The following DDX31 variants were observed in gnomAD, a reference collection of about 807,000 sequenced individuals.
DDX31 encodes ATP-dependent DNA helicase DDX31.
DDX31 carries 70 observed loss-of-function variants against 91.3 expected under a neutral mutation model. The ratio of observed to expected loss-of-function variants is 0.77; its 90% confidence interval spans 0.63 to 0.94. The LOEUF (loss-of-function observed/expected upper bound fraction) is 0.94. Ranked by LOEUF, DDX31 falls within the 40% of genes least tolerant of loss-of-function variation. DDX31 has a pLI of 0.00. For missense variants in DDX31, 902 were observed against 925.0 expected (o/e 0.98, Z 0.32); for synonymous variants, 362 against 350.6 (o/e 1.03, Z -0.36).
chr9:132,623,885 G>A (rs1170573998), intron 17 of DDX31, among the ~76,000 whole-genome samples: 5 of 152,118 alleles, frequency 3.3e-5, no homozygotes, highest in African/African-American at 7.2e-5. Flanking sequence ...GAAACCAAAA[G>A]GCCGGCTACG....
intron 15 of DDX31, among the ~76,000 whole-genome samples, chr9:132,631,786 C>T (rs533284412): frequency 6.6e-6 from 1 of 152,164 alleles, no homozygotes; most frequent in African/African-American, 2.4e-5. Flanking sequence ...GTTTGTGACA[C>T]GAATTAGTCT....
chr9:132,617,833 C>T (rs1831743316), intron 18 of DDX31, among the ~76,000 whole-genome samples: 1 of 152,236 alleles, frequency 6.6e-6, no homozygotes, highest in African/African-American at 2.4e-5. Flanking sequence ...CAACACCTCT[C>T]TCTTTCATAA....
rs371928097 is a variant in DDX31, at chr9:132,599,093, GGTT to G, written c.1995-3984_1995-3982del. Among the ~76,000 whole-genome samples the G allele has an allele frequency of 5.1e-4, 78 of 152,244 alleles. 1 individual carries two copies. The South Asian group carries it at 0.016, about 31-fold the overall frequency. On this transcript the variant is annotated intron_variant, in intron 19 of 19. Transcript: ENST00000372159. ...CATTGAAGCGAATACCAATTACATG[GGTT>G]GTTAATGGATTTAAATGTAAAACAG...
At chr9:132,596,543 T>C (rs1296411875) in intron 19 of DDX31, among the ~76,000 whole-genome samples, 3 of 152,176 alleles carry the variant, frequency 2.0e-5, no homozygotes, top group Non-Finnish European at 4.4e-5. Flanking sequence ...CTGGGGTCTG[T>C]GGGAAATGAT....
intron 13 of DDX31, among the ~76,000 whole-genome samples, chr9:132,644,163 T>TA (rs1488345314): frequency 6.6e-6 from 1 of 152,176 alleles, no homozygotes; most frequent in Non-Finnish European, 1.5e-5. Flanking sequence ...AGGGATACTA[T>TA]AACCTCCTGT....
chr9:132,669,783 A>C, intron 1 of DDX31, 77 bp downstream of exon 1: 1 of 1,519,838 alleles, frequency 6.6e-7, no homozygotes, highest in African/African-American at 1.4e-5. Flanking sequence ...CCCGACTCCA[A>C]GGCACGGCTG....
At position 132,594,706 on chromosome 9, in the gene DDX31, C is replaced by T. The variant is rs570289130; in HGVS notation, c.*160G>A. The T allele has an allele frequency of 4.1e-6, 5 of 1,215,468 alleles. 1 individual carries two copies. In the East Asian group the frequency reaches 1.2e-4, roughly 29 times the overall value. 75.3% of individuals were successfully genotyped at this position (1,215,468 alleles called of 1,614,324 possible). Reference sequence around the variant, plus strand: ...CACTGATTTCTATCAGGCTCCAGGGCCTCCCATGGAGGAGAAGGGCTGTGG... The same window carrying T: ...CACTGATTTCTATCAGGCTCCAGGGTCTCCCATGGAGGAGAAGGGCTGTGG... On this transcript the variant is annotated 3_prime_UTR_variant, in exon 20 of 20. Coordinates refer to ENST00000372159, the MANE Select transcript of DDX31 (RefSeq NM_022779.9).
In DDX31 at chr9:132,662,706, C is replaced by G. The variant is rs767090440; in HGVS notation, c.76-11G>C. ...CGTAGCCTTTGCTTGCTGCGTTGTT[C>G]CCAGAAGGAAAGATCAACAAGAGAT... On this transcript the variant is annotated splice_polypyrimidine_tract_variant and intron_variant, in intron 1 of 19. Transcript: ENST00000372159. 1.5e-5 allele frequency: 24 copies of G among 1,613,638 alleles called. No homozygotes were observed. Among genetic ancestry groups the G allele is most frequent in the Middle Eastern group, 3.3e-4 (2 of 6,080 alleles).
At chr9:132,609,078 G>T (rs556812598) in intron 19 of DDX31, among the ~76,000 whole-genome samples, 1 of 152,276 alleles carries the variant, frequency 6.6e-6, no homozygotes, top group South Asian at 2.1e-4. Context: ...TCTAAGGAGT[G>T]TGAAGAGAAA....
In DDX31 at chr9:132,594,556, C is replaced by T. The variant is rs976442828; in HGVS notation, c.*310G>A. Reference sequence around the variant, plus strand: ...CGCAGGGCGTTCTTACATCACATCCCGGGGTGCCAGCTCAACCCCGGCACG... The same window carrying T: ...CGCAGGGCGTTCTTACATCACATCCTGGGGTGCCAGCTCAACCCCGGCACG... On this transcript the variant is annotated 3_prime_UTR_variant, in exon 20 of 20. Coordinates refer to ENST00000372159, the MANE Select transcript of DDX31 (RefSeq NM_022779.9). The T allele has an allele frequency of 2.5e-5, 7 of 277,012 alleles. No homozygotes were observed. The highest frequency in any genetic ancestry group is 4.8e-5 in the Non-Finnish European group (7 of 146,576). 17.2% of individuals were successfully genotyped at this position (277,012 alleles called of 1,614,324 possible). A position where few individuals can be genotyped will look rare whatever the true frequency, so the allele number is the denominator to read the frequency against.
At chr9:132,664,743 A>G (rs1258498611) in intron 1 of DDX31, among the ~76,000 whole-genome samples, 3 of 148,872 alleles carry the variant, frequency 2.0e-5, no homozygotes, top group Admixed American at 1.3e-4. Flanking sequence ...AAAAACTGTA[A>G]TATGATCAAC....
intron 11 of DDX31, 123 bp from the exon 12 acceptor site, chr9:132,647,181 T>A: frequency 1.2e-6 from 1 of 848,508 alleles, no homozygotes; most frequent in Non-Finnish European, 1.9e-6. Flanking sequence ...CCCATGGGTA[T>A]CACCAAGTCC....
rs762491372 is a variant in DDX31 at position 132,595,041 on chromosome 9, C to A, written c.2066G>T (p.Gly689Val). 6.2e-7 allele frequency: 1 copy of A among 1,614,206 alleles called. No homozygotes were observed. Residue 689 changes from glycine (G) to valine (V), a missense_variant, in exon 20 of 20, where the codon GGC becomes GTC. Physicochemically the swap from Gly to Val is moderately radical, Grantham distance 109. Transcript: ENST00000372159. This position sits in a 1 kb window ranked among gnomAD's most constrained non-coding sequence, Gnocchi z 4.6. ...AEILRSEYSS[G>V]MEADIAKVKK... The stretch of plus-strand genomic sequence containing the variant: ...GACCTTGGCGATGTCGGCCTCCATG[C>A]CGCTTGAGTATTCCGAACGTAGGAT...
intron 14 of DDX31, among the ~76,000 whole-genome samples, chr9:132,632,297 C>CACACACACACACACACACACACAG (rs1564306019): frequency 7.6e-6 from 1 of 132,326 alleles, no homozygotes; most frequent in East Asian, 2.4e-4. Flanking sequence ...CACACACACA[C>CACACACACACACACACACACACAG]AGTCCTGCAT....
intron 1 of DDX31, among the ~76,000 whole-genome samples, chr9:132,667,680 T>C (rs1284817601): frequency 6.6e-6 from 1 of 152,116 alleles, no homozygotes; most frequent in African/African-American, 2.4e-5. Flanking sequence ...ACTGCATTAA[T>C]TAATCCCCTT....
Position 132,658,740 on chromosome 9 carries a change from CA to C in DDX31, c.524-6del, listed in dbSNP as rs752207714. The C allele has an allele frequency of 1.3e-4, 210 of 1,580,250 alleles. No homozygotes were observed. The highest frequency in any genetic ancestry group is 4.9e-4 in the Admixed American group (28 of 57,126). The stretch of plus-strand genomic sequence containing the variant: ...TGCAATAGGCAAGAGTTTTACCTTT[CA>C]AAAAAAAAGCAGAAGCAATTAAAAT... On this transcript the variant is annotated splice_polypyrimidine_tract_variant and splice_region_variant and intron_variant, in intron 5 of 19. Transcript: ENST00000372159.
At position 132,608,184 on chromosome 9, in the gene DDX31, T is replaced by C. The variant is rs528502565; in HGVS notation, c.1994+3903A>G. 1.2e-3 allele frequency among the ~76,000 whole-genome samples: 187 copies of C among 152,320 alleles called. 2 individuals carry two copies. Among genetic ancestry groups the C allele is most frequent in the African/African-American group, 4.3e-3 (178 of 41,566 alleles). On this transcript the variant is annotated intron_variant, in intron 19 of 19. Coordinates refer to ENST00000372159, the MANE Select transcript of DDX31 (RefSeq NM_022779.9). ...GATGTTGCTAAGGGGCCATTCAATA[T>C]TTTACCGACAGCACCAACTATCTGT...
At chr9:132,647,100 C>T (rs1341317998) in intron 11 of DDX31, 42 bp from the exon 12 acceptor site, 2 of 1,590,296 alleles carry the variant, frequency 1.3e-6, no homozygotes, top group Non-Finnish European at 1.7e-6. Flanking sequence ...AACAAACACA[C>T]CATGAAACTG....
At chr9:132,625,588 TAC>T in intron 17 of DDX31, 74 bp downstream of exon 17, 1 of 1,070,084 alleles carries the variant, frequency 9.3e-7, no homozygotes, top group South Asian at 1.3e-5. Context: ...AAGTAACCCA[TAC>T]ACAAAGTCTC....
Sources: gnomAD v4.1 joint callset for allele counts (sites outside exome capture counted in the v4.1 genomes callset) on GRCh38, gnomAD v4.1.1 for gene constraint, Gnocchi (gnomAD v3.1) non-coding constraint, MANE v1.5 for transcripts, NCBI Gene and HGNC (gene_info 2026-07-23, HGNC 2026-07-21) for gene names.